Variants in FOXP1 observed in about 807,000 individuals in gnomAD.
The protein encoded by FOXP1 is forkhead box P1.
In FOXP1, 15 loss-of-function variants were observed where a neutral mutation model predicts 98.2. The observed-to-expected ratio is 0.15, with a 90% CI of 0.10 to 0.24. FOXP1 has a LOEUF of 0.24. Ranked by LOEUF, FOXP1 falls within the 10% of genes least tolerant of loss-of-function variation. The probability of loss-of-function intolerance (pLI) is 1.00; values close to 1 mark genes in which losing one functional copy is unlikely to be tolerated. For missense variants in FOXP1, 633 were observed against 848.5 expected (o/e 0.75, Z 3.15); for synonymous variants, 371 against 314.5 (o/e 1.18, Z -1.90).
At chr3:70,986,010 C>T (rs2039667831) in intron 14 of FOXP1, among the ~76,000 whole-genome samples, 1 of 152,174 alleles carries the variant, frequency 6.6e-6, no homozygotes, top group Non-Finnish European at 1.5e-5. Context: ...TGCTGAGCTA[C>T]TAAGAGATAA....
In FOXP1 at chr3:71,510,089, G is replaced by C. The variant is rs896114790; in HGVS notation, c.-297-16534C>G. 5.9e-5 allele frequency among the ~76,000 whole-genome samples: 9 copies of C among 152,194 alleles called. No individual in the cohort carries two copies. In the East Asian group the frequency reaches 1.7e-3, roughly 29 times the overall value. On this transcript the variant is annotated intron_variant, in intron 2 of 20. Transcript: ENST00000649528. ...CCAGCTACCAGGGAGGCTGAGGCAG[G>C]AGAATCGCTTGAACCCCGGAGGCGG...
intron 3 of FOXP1, among the ~76,000 whole-genome samples, chr3:71,382,755 C>T (rs1047035170): frequency 6.6e-6 from 1 of 152,188 alleles, no homozygotes; most frequent in Admixed American, 6.5e-5. Context: ...CTCTTTAAGC[C>T]TGCCTTTACT....
chr3:71,525,689 T>A (rs1361989053), intron 2 of FOXP1, among the ~76,000 whole-genome samples: 1 of 152,238 alleles, frequency 6.6e-6, no homozygotes, highest in African/African-American at 2.4e-5. Context: ...ATTTATTTAT[T>A]TTTATCATCA....
intron 9 of FOXP1, 26 bp downstream of exon 9, chr3:71,052,511 G>T (rs1230766376): frequency 4.2e-6 from 4 of 958,646 alleles, no homozygotes; most frequent in Non-Finnish European, 5.2e-6. Context: ...TCTGTGGTTT[G>T]AAAGTAAAAT....
At chr3:71,175,005 C>A (rs1177616813) in intron 6 of FOXP1, among the ~76,000 whole-genome samples, 1 of 151,874 alleles carries the variant, frequency 6.6e-6, no homozygotes, top group Non-Finnish European at 1.5e-5. Flanking sequence ...CCTCCGCCCC[C>A]GGGTTCAAGC....
At chr3:71,018,925 T>C (rs1021906830) in intron 11 of FOXP1, among the ~76,000 whole-genome samples, 10 of 152,314 alleles carry the variant, frequency 6.6e-5, no homozygotes, top group Admixed American at 5.9e-4. Flanking sequence ...AATCAAGTGC[T>C]ATGCAGGACT....
intron 2 of FOXP1, among the ~76,000 whole-genome samples, chr3:71,566,583 C>T (rs2046931584): frequency 6.6e-6 from 1 of 152,186 alleles, no homozygotes; most frequent in Non-Finnish European, 1.5e-5. Context: ...TAGGAATGCT[C>T]TGACGTTCAA....
intron 3 of FOXP1, among the ~76,000 whole-genome samples, chr3:71,487,334 G>C (rs139096029): frequency 7.9e-5 from 12 of 152,210 alleles, no homozygotes. Flanking sequence ...TTGGGATTAC[G>C]GGCATGAGCC....
chr3:71,404,978 G>A (rs902079912), intron 3 of FOXP1, among the ~76,000 whole-genome samples: 3 of 152,106 alleles, frequency 2.0e-5, no homozygotes, highest in Admixed American at 1.3e-4. Context: ...GACTGAATCC[G>A]GTACAAAATG....
chr3:71,039,018 C>T (rs2047978340), intron 11 of FOXP1, among the ~76,000 whole-genome samples: 1 of 152,016 alleles, frequency 6.6e-6, no homozygotes, highest in South Asian at 2.1e-4. Context: ...CTATCTTTAA[C>T]TGAAGGTGCT....
chr3:71,560,241 T>C (rs1403998763), intron 2 of FOXP1, among the ~76,000 whole-genome samples: 2 of 152,236 alleles, frequency 1.3e-5, no homozygotes, highest in Admixed American at 1.3e-4. Context: ...CTGTGTAATG[T>C]GACTACGATT....
chr3:71,240,162 A>G (rs919572934), intron 5 of FOXP1, among the ~76,000 whole-genome samples: 3 of 152,250 alleles, frequency 2.0e-5, no homozygotes, highest in Admixed American at 1.3e-4. Flanking sequence ...AGCTTGAACT[A>G]TTTTTAGGCC....
At position 70,959,237 on chromosome 3, in the gene FOXP1, G is replaced by A. The variant is rs764871820; in HGVS notation, c.*10C>T. 46 of 1,609,170 alleles carry A rather than the reference G, an allele frequency of 2.9e-5. No individual in the cohort carries two copies. In the Admixed American group the frequency reaches 3.5e-4, roughly 12 times the overall value. ...CAATCTTCATTCTCGGGGTTGGCCC[G>A]CCCCGATAGTCACTCCATGTCCTCG... On this transcript the variant is annotated 3_prime_UTR_variant, in exon 21 of 21. Transcript: ENST00000649528.
intron 6 of FOXP1, among the ~76,000 whole-genome samples, chr3:71,179,354 T>G (rs976695646): frequency 1.2e-4 from 19 of 152,032 alleles, no homozygotes; most frequent in African/African-American, 4.6e-4. Context: ...GTGATCCACC[T>G]GCCTCGGCCT....
At chr3:71,217,448 T>C (rs1337640350) in intron 5 of FOXP1, among the ~76,000 whole-genome samples, 6 of 152,212 alleles carry the variant, frequency 3.9e-5, no homozygotes, top group African/African-American at 1.4e-4. Context: ...AAATTTATTA[T>C]GTTCCTTAAA....
intron 3 of FOXP1, among the ~76,000 whole-genome samples, chr3:71,464,696 A>G (rs1010236768): frequency 6.6e-6 from 1 of 152,182 alleles, no homozygotes; most frequent in African/African-American, 2.4e-5. Context: ...TGAGGGGATG[A>G]CTGAAGACAA....
intron 11 of FOXP1, among the ~76,000 whole-genome samples, chr3:71,026,396 A>G (rs1377022087): frequency 6.6e-6 from 1 of 152,070 alleles, no homozygotes. Flanking sequence ...AGCTGGGTTA[A>G]CTTCGCAGGT....
intron 3 of FOXP1, among the ~76,000 whole-genome samples, chr3:71,440,386 T>C (rs975715246): frequency 6.6e-6 from 1 of 151,572 alleles, no homozygotes; most frequent in African/African-American, 2.4e-5. Context: ...GGTAACAAAG[T>C]GAGACACCGT....
At chr3:71,047,795 T>C (rs1301201920) in intron 9 of FOXP1, among the ~76,000 whole-genome samples, 2 of 152,222 alleles carry the variant, frequency 1.3e-5, no homozygotes, top group Admixed American at 1.3e-4. Context: ...GTCTGGTGGC[T>C]TGTCCTGCTT....
Sources: gnomAD v4.1 joint callset for allele counts (sites outside exome capture counted in the v4.1 genomes callset) on GRCh38, gnomAD v4.1.1 for gene constraint, MANE v1.5 for transcripts, NCBI Gene and HGNC (gene_info 2026-07-23, HGNC 2026-07-21) for gene names.